PRCP: variants seen among roughly 807,000 people sequenced by gnomAD.
PRCP encodes prolylcarboxypeptidase, also known as lysosomal Pro-X carboxypeptidase.
A neutral mutation model predicts 54.2 loss-of-function variants in PRCP; 46 were observed. The ratio of observed to expected loss-of-function variants is 0.85; its 90% CI spans 0.67 to 1.09. The LOEUF (loss-of-function observed/expected upper bound fraction) is 1.09. Among genes scored for constraint, PRCP ranks in the 50% least tolerant of loss-of-function variants. PRCP has a pLI of 0.00. For missense variants in PRCP, 613 were observed against 596.8 expected, an observed-to-expected ratio of 1.03 and a Z score of -0.28; for synonymous variants, 240 against 212.2, an observed-to-expected ratio of 1.13 and a Z score of -1.14.
chr11:82,827,992 G>T (rs1202275998), intron 8 of PRCP: 1 of 151,978 alleles, frequency 6.6e-6, no homozygotes, highest in Admixed American at 6.6e-5. Flanking sequence ...TTATTCCAAA[G>T]CATTTTATTC....
upstream of PRCP, chr11:82,900,455 GA>G: frequency 6.3e-7 from 1 of 1,577,182 alleles, no homozygotes. Context: ...GAGGCCAGCA[GA>G]AGCGCACAGG....
At chr11:82,840,865 C>T (rs1288366821) in intron 6 of PRCP, 1 of 151,836 alleles carries the variant, frequency 6.6e-6, no homozygotes, top group Non-Finnish European at 1.5e-5. Flanking sequence ...AGATTTGTTC[C>T]CAGCTGTCTC....
At chr11:82,844,464 C>T (rs1005731837) in intron 6 of PRCP, among the ~76,000 whole-genome samples, 3 of 151,510 alleles carry the variant, frequency 2.0e-5, no homozygotes, top group Non-Finnish European at 4.4e-5. Flanking sequence ...AGGCCGGGCG[C>T]GGTGGCTCAC....
At chr11:82,841,508 C>G (rs1420306076) in intron 6 of PRCP, among the ~76,000 whole-genome samples, 1 of 152,074 alleles carries the variant, frequency 6.6e-6, no homozygotes, top group African/African-American at 2.4e-5. Flanking sequence ...TTAACATGCT[C>G]AAATGTAATA....
At chr11:82,855,318 C>T (rs1378337771) in intron 2 of PRCP, among the ~76,000 whole-genome samples, 1 of 152,150 alleles carries the variant, frequency 6.6e-6, no homozygotes, top group Non-Finnish European at 1.5e-5. Flanking sequence ...CTATAAGGAA[C>T]TTAAATTTAC....
In PRCP at chr11:82,886,535, C is replaced by T. The variant is rs563607195; in HGVS notation, c.168+13700G>A. On this transcript the variant is annotated intron_variant, in intron 1 of 8. Transcript: ENST00000313010. ...CTGGTCTCAAGTGATCCTCCTACCT[C>T]AGCCTCTCAAAGTGCTGGAATTACA... 2.6e-5 allele frequency among the ~76,000 whole-genome samples: 4 copies of T among 152,194 alleles called. No homozygotes were observed. The South Asian group carries it at 8.3e-4, about 31-fold the overall frequency.
At chr11:82,852,153 C>A (rs756119343) in intron 3 of PRCP, among the ~76,000 whole-genome samples, 19 of 152,274 alleles carry the variant, frequency 1.2e-4, no homozygotes, top group Middle Eastern at 3.4e-3. Context: ...CTTGTCAAGT[C>A]CCTTAATCAG....
intron 1 of PRCP, among the ~76,000 whole-genome samples, chr11:82,887,368 G>A (rs1016792452): frequency 6.6e-6 from 1 of 152,202 alleles, no homozygotes; most frequent in Non-Finnish European, 1.5e-5. Context: ...TCGGAGTATG[G>A]CACAAAGGAA....
intron 3 of PRCP, among the ~76,000 whole-genome samples, chr11:82,851,469 A>G (rs976479827): frequency 3.1e-4 from 46 of 149,198 alleles, no homozygotes; most frequent in African/African-American, 9.9e-4. Flanking sequence ...ATCCAGCACC[A>G]GTTTTATCTC....
At chr11:82,841,043 T>TTATATATAATATATATATATATATA (rs1858651033) in intron 6 of PRCP, among the ~76,000 whole-genome samples, 1 of 133,552 alleles carries the variant, frequency 7.5e-6, no homozygotes, top group African/African-American at 2.8e-5. Flanking sequence ...ACGGAAAAGA[T>TTATATATAATATATATATATATATA]TATATATATA....
At chr11:82,864,319 A>G (rs944556407) in intron 1 of PRCP, among the ~76,000 whole-genome samples, 9 of 152,242 alleles carry the variant, frequency 5.9e-5, no homozygotes, top group African/African-American at 1.7e-4. Flanking sequence ...AAGGATATCA[A>G]CTTCTGGCTA....
Position 82,850,343 on chromosome 11 carries a change from AT to A in PRCP, c.573del (p.Lys191AsnfsTer6). The A allele has an allele frequency of 6.3e-7, 1 of 1,577,258 alleles. No homozygotes were observed. Among genetic ancestry groups the A allele is most frequent in the Non-Finnish European group, 8.6e-7 (1 of 1,160,288 alleles). On this transcript the variant is annotated frameshift_variant, in exon 4 of 9. Coordinates refer to ENST00000313010, the MANE Select transcript of PRCP (RefSeq NM_005040.4). LOFTEE classifies it high-confidence loss of function. Reference sequence around the variant, plus strand: ...ACTTACCCAACTACCATATGAGGATATTTCATCCTAAACCAGGCGGCAAGCA... The same window carrying A: ...ACTTACCCAACTACCATATGAGGATATTCATCCTAAACCAGGCGGCAAGCA... ...GGMLAAWFRM[K>X]YPHMVVGALA...
intron 8 of PRCP, among the ~76,000 whole-genome samples, chr11:82,831,855 T>A (rs1385788675): frequency 6.6e-6 from 1 of 152,180 alleles, no homozygotes; most frequent in African/African-American, 2.4e-5. Context: ...TTTCTCCTAA[T>A]GCTATCCCTC....
intron 1 of PRCP, among the ~76,000 whole-genome samples, chr11:82,874,959 T>C (rs1439257791): frequency 1.3e-5 from 2 of 152,030 alleles, no homozygotes; most frequent in African/African-American, 4.8e-5. Flanking sequence ...AAATGTATCC[T>C]TGCACAGTAG....
intron 1 of PRCP, among the ~76,000 whole-genome samples, chr11:82,892,257 T>C (rs1030258441): frequency 6.6e-6 from 1 of 152,184 alleles, no homozygotes; most frequent in Admixed American, 6.5e-5. Context: ...TCTATGAGTT[T>C]CAATTAAACC....
intron 1 of PRCP, among the ~76,000 whole-genome samples, chr11:82,866,442 C>T (rs1859337092): frequency 6.6e-6 from 1 of 152,204 alleles, no homozygotes; most frequent in South Asian, 2.1e-4. Flanking sequence ...TTTACACATA[C>T]TTCTATAAGT....
At chr11:82,865,139 G>C (rs1408469892) in intron 1 of PRCP, among the ~76,000 whole-genome samples, 3 of 152,174 alleles carry the variant, frequency 2.0e-5, no homozygotes, top group Non-Finnish European at 4.4e-5. Flanking sequence ...AGAGGTCAGA[G>C]AGCTTGCCCA....
At chr11:82,888,284 T>C (rs1859915764) in intron 1 of PRCP, among the ~76,000 whole-genome samples, 1 of 152,160 alleles carries the variant, frequency 6.6e-6, no homozygotes, top group Non-Finnish European at 1.5e-5. Flanking sequence ...CTGCACCATA[T>C]GAGCAGCAGG....
intron 2 of PRCP, among the ~76,000 whole-genome samples, chr11:82,857,032 C>CT (rs1348019024): frequency 8.8e-5 from 2 of 22,804 alleles, no homozygotes; most frequent in African/African-American, 4.5e-4. Context: ...GAGCCTCTGT[C>CT]TCAAAAAAAA....
Sources: gnomAD v4.1 joint callset for allele counts (sites outside exome capture counted in the v4.1 genomes callset) on GRCh38, gnomAD v4.1.1 for gene constraint, MANE v1.5 for transcripts, NCBI Gene and HGNC (gene_info 2026-07-23, HGNC 2026-07-21) for gene names.